Variants in ZSWIM6 observed in about 807,000 individuals in gnomAD.
The protein encoded by ZSWIM6 is zinc finger SWIM domain-containing protein 6.
Under a neutral mutation model 113.2 loss-of-function variants are expected in ZSWIM6, and 9 were observed. The ratio of observed to expected loss-of-function variants is 0.08; its 90% CI spans 0.05 to 0.14. The LOEUF (loss-of-function observed/expected upper bound fraction) is 0.14. Among genes scored for constraint, ZSWIM6 ranks in the 10% least tolerant of loss-of-function variants. The pLI, the probability that ZSWIM6 is intolerant of heterozygous loss-of-function variation, is 1.00. For synonymous variants in ZSWIM6, 611 were observed against 606.5 expected (o/e 1.01, Z -0.11); for missense variants, 1,162 against 1,552.2 (o/e 0.75, Z 4.22).
At chr5:61,542,091 A>T in intron 13 of ZSWIM6, 126 bp downstream of exon 13, 1 of 758,802 alleles carries the variant, frequency 1.3e-6, no homozygotes, top group Non-Finnish European at 2.1e-6. Flanking sequence ...CTAGCAGTCC[A>T]CAAGGGCTTC....
At chr5:61,503,290 T>C (rs1261299710) in intron 4 of ZSWIM6, among the ~76,000 whole-genome samples, 1 of 152,204 alleles carries the variant, frequency 6.6e-6, no homozygotes, top group Non-Finnish European at 1.5e-5. Context: ...AGGGTAATGA[T>C]ACTAGTTGTC....
intron 4 of ZSWIM6, 110 bp downstream of exon 4, chr5:61,494,520 A>G: frequency 1.5e-6 from 2 of 1,377,846 alleles, no homozygotes; most frequent in Non-Finnish European, 2.0e-6. Flanking sequence ...CTGCTCATGC[A>G]TGGAACGTGT....
chr5:61,439,413 T>C lies in ZSWIM6; in HGVS notation c.677-33268T>C, dbSNP rs542956290. On this transcript the variant is annotated intron_variant, in intron 1 of 13. Coordinates refer to ENST00000252744, the MANE Select transcript of ZSWIM6 (RefSeq NM_020928.2). ...AAAAATGCTTATAACTAAAATATTT[T>C]ATGTGCAGGACTAGGGTTTTTAAGC... Among the ~76,000 whole-genome samples, 6 of 152,340 alleles carry C rather than the reference T, an allele frequency of 3.9e-5. No homozygotes were observed. In the South Asian group the frequency reaches 1.0e-3, roughly 26 times the overall value.
At chr5:61,346,929 T>G (rs1452928333) in intron 1 of ZSWIM6, among the ~76,000 whole-genome samples, 2 of 152,248 alleles carry the variant, frequency 1.3e-5, no homozygotes, top group Admixed American at 1.3e-4. Flanking sequence ...ACTTTTATTT[T>G]AAAATGGATG....
chr5:61,400,464 G>T (rs76743752), intron 1 of ZSWIM6, among the ~76,000 whole-genome samples: 21,475 of 152,178 alleles, frequency 0.14, 1,625 homozygotes, highest in Non-Finnish European at 0.17. Flanking sequence ...TGCTAAGAAG[G>T]TTTAAAAACT....
chr5:61,505,528 A>G (rs1748578370), intron 4 of ZSWIM6, among the ~76,000 whole-genome samples: 1 of 152,026 alleles, frequency 6.6e-6, no homozygotes, highest in African/African-American at 2.4e-5. Flanking sequence ...TACATATCAG[A>G]TAAGGGCCAC....
intron 1 of ZSWIM6, among the ~76,000 whole-genome samples, chr5:61,404,258 C>A (rs1317331370): frequency 1.3e-5 from 2 of 152,172 alleles, no homozygotes; most frequent in Non-Finnish European, 2.9e-5. Flanking sequence ...GGAAAACTTT[C>A]CTTCACATTT....
At chr5:61,471,747 TC>T (rs1288719602) in intron 1 of ZSWIM6, among the ~76,000 whole-genome samples, 1 of 152,198 alleles carries the variant, frequency 6.6e-6, no homozygotes, top group Non-Finnish European at 1.5e-5. Flanking sequence ...TAGAACAGTT[TC>T]ATCCTGAAAC....
intron 1 of ZSWIM6, among the ~76,000 whole-genome samples, chr5:61,463,632 C>A (rs1246277468): frequency 6.6e-6 from 1 of 152,234 alleles, no homozygotes; most frequent in African/African-American, 2.4e-5. Context: ...AGTACCTCCT[C>A]CAAGATAGTC....
In ZSWIM6 at chr5:61,354,690, CATTTCTTTAGGGTCTA is replaced by C. The variant is rs553978388; in HGVS notation, c.676+21747_676+21762del. 7.0e-4 allele frequency among the ~76,000 whole-genome samples: 106 copies of C among 152,282 alleles called. No homozygotes were observed. The Middle Eastern group carries it at 0.01, about 15-fold the overall frequency. On this transcript the variant is annotated intron_variant, in intron 1 of 13. Coordinates refer to ENST00000252744, the MANE Select transcript of ZSWIM6 (RefSeq NM_020928.2). ...TAGAGGCTCCATTTCAATCCCCCTG[CATTTCTTTAGGGTCTA>C]ATTTAAATTCATACATCACTTGATT...
intron 7 of ZSWIM6, among the ~76,000 whole-genome samples, chr5:61,529,304 A>G (rs1251859073): frequency 6.6e-6 from 1 of 152,260 alleles, no homozygotes; most frequent in Non-Finnish European, 1.5e-5. Flanking sequence ...TATATCTTAA[A>G]CATAGCTTTT....
intron 4 of ZSWIM6, among the ~76,000 whole-genome samples, chr5:61,508,149 G>A (rs1474581389): frequency 6.6e-6 from 1 of 152,144 alleles, no homozygotes; most frequent in Non-Finnish European, 1.5e-5. Context: ...TCAGTACAGG[G>A]TTAGTGTGAA....
At chr5:61,528,625 TC>T (rs1580065792) in intron 7 of ZSWIM6, among the ~76,000 whole-genome samples, 2 of 151,584 alleles carry the variant, frequency 1.3e-5, no homozygotes, top group East Asian at 3.9e-4. Flanking sequence ...TCTCGCCCTG[TC>T]CCCCAGGCTG....
rs1235045355 is a variant in ZSWIM6, at chr5:61,544,425, A to G, written c.*108A>G. On this transcript the variant is annotated 3_prime_UTR_variant, in exon 14 of 14. Transcript: ENST00000252744. ...ACTTAAAGAACAGAGCCACACCGGT[A>G]TTATATGTGTATAGTTATATTGCGT... is the stretch of plus-strand genomic sequence containing the variant. 2 of 698,744 alleles carry G rather than the reference A, an allele frequency of 2.9e-6. No individual in the cohort carries two copies. The highest frequency in any genetic ancestry group is 4.8e-6 in the Non-Finnish European group (2 of 420,576). 43.3% of individuals were successfully genotyped at this position (698,744 alleles called of 1,614,324 possible).
intron 1 of ZSWIM6, among the ~76,000 whole-genome samples, chr5:61,373,103 G>A (rs752687847): frequency 3.9e-5 from 6 of 151,954 alleles, no homozygotes; most frequent in East Asian, 1.9e-4. Flanking sequence ...ATTCATTTAC[G>A]TTTAAAAAAT....
intron 1 of ZSWIM6, among the ~76,000 whole-genome samples, chr5:61,424,866 T>A (rs1746432921): frequency 6.6e-6 from 1 of 151,926 alleles, no homozygotes; most frequent in Non-Finnish European, 1.5e-5. Context: ...TAGCTGGGAT[T>A]ACAGGCGCCC....
chr5:61,347,764 G>A (rs1744690576), intron 1 of ZSWIM6: 1 of 152,178 alleles, frequency 6.6e-6, no homozygotes, highest in Non-Finnish European at 1.5e-5. Flanking sequence ...ATGATAGAAT[G>A]TCCTGGTGAG....
At chr5:61,375,122 G>C in intron 1 of ZSWIM6, 1 of 1,609,830 alleles carries the variant, frequency 6.2e-7, no homozygotes, top group African/African-American at 1.3e-5. Context: ...ATGGGGAAGC[G>C]GGACAATCGG....
chr5:61,489,554 A>G (rs1412981190), intron 2 of ZSWIM6, among the ~76,000 whole-genome samples: 1 of 152,070 alleles, frequency 6.6e-6, no homozygotes, highest in Non-Finnish European at 1.5e-5. Flanking sequence ...ACTTGCATCA[A>G]ATTTTTGCAG....
Sources: allele counts gnomAD v4.1 joint callset (sites outside exome capture counted in the v4.1 genomes callset), GRCh38; gene constraint gnomAD v4.1.1; transcripts MANE v1.5; gene names NCBI Gene and HGNC (gene_info 2026-07-23, HGNC 2026-07-21).